SYNRG: variants seen among roughly 807,000 people sequenced by gnomAD.
The protein encoded by SYNRG is AP1 gamma subunit binding protein 1.
In SYNRG, 37 loss-of-function variants were observed where a neutral mutation model predicts 130.9. The ratio of observed to expected loss-of-function variants is 0.28; its 90% CI spans 0.22 to 0.37. SYNRG has a LOEUF of 0.37. Ranked by LOEUF, SYNRG falls within the 10% of genes least tolerant of loss-of-function variation. The probability of loss-of-function intolerance (pLI) is 1.00; values close to 1 mark genes in which losing one functional copy is unlikely to be tolerated. For synonymous variants in SYNRG, 539 were observed against 568.1 expected, an observed-to-expected ratio of 0.95 and a Z score of 0.73; for missense variants, 1,338 against 1,588.9, an observed-to-expected ratio of 0.84 and a Z score of 2.68.
At chr17:37,530,260 T>G (rs2056480974) in intron 19 of SYNRG, among the ~76,000 whole-genome samples, 1 of 152,216 alleles carries the variant, frequency 6.6e-6, no homozygotes, top group African/African-American at 2.4e-5. Flanking sequence ...ATCTCTGTGC[T>G]TCAGTTTCTT....
intron 11 of SYNRG, among the ~76,000 whole-genome samples, chr17:37,565,935 G>A (rs552462907): frequency 1.4e-5 from 2 of 146,126 alleles, no homozygotes; most frequent in Admixed American, 6.8e-5. Context: ...CCCCTGCCCG[G>A]CCAGCCGCCC....
chr17:37,596,382 T>A (rs2062777111), intron 2 of SYNRG, 38 bp from the exon 3 acceptor site: 1 of 1,608,236 alleles, frequency 6.2e-7, no homozygotes, highest in South Asian at 1.1e-5. Context: ...CAATGTGTTT[T>A]AAAGTTTATT....
chr17:37,538,264 G>A, intron 18 of SYNRG, 60 bp downstream of exon 18: 1 of 1,276,680 alleles, frequency 7.8e-7, no homozygotes, highest in Non-Finnish European at 1.1e-6. Flanking sequence ...TAATTAAAGG[G>A]AAAACTGAAA....
intron 19 of SYNRG, among the ~76,000 whole-genome samples, chr17:37,521,560 G>C (rs1156238639): frequency 6.6e-6 from 1 of 152,184 alleles, no homozygotes; most frequent in African/African-American, 2.4e-5. Flanking sequence ...AGGAAGATAA[G>C]GAGCATCCTG....
At chr17:37,562,990 T>G (rs1482375016) in intron 11 of SYNRG, among the ~76,000 whole-genome samples, 1 of 151,930 alleles carries the variant, frequency 6.6e-6, no homozygotes, top group Non-Finnish European at 1.5e-5. Context: ...TTCACAGAAT[T>G]GGAAAAAAAA....
chr17:37,561,445 A>G, intron 12 of SYNRG, 26 bp downstream of exon 12: 1 of 1,583,422 alleles, frequency 6.3e-7, no homozygotes, highest in Non-Finnish European at 8.7e-7. Flanking sequence ...AGCATTCACA[A>G]GTTTATGAAT....
chr17:37,570,730 T>A lies in SYNRG; in HGVS notation c.1254A>T (p.Gly418=), dbSNP rs764529097. 6.2e-7 allele frequency: 1 copy of A among 1,614,122 alleles called. No individual in the cohort carries two copies. The highest frequency in any genetic ancestry group is 2.2e-5 in the East Asian group (1 of 44,888). ...CAAGGTTAATGCCCATGACTGGCTG[T>A]CCAAGGCTGAGGGGCATGGAGCCCG... is the stretch of plus-strand genomic sequence containing the variant. The part of the protein sequence containing the change: ...GPAGSMPLSL[G]QPVMGINLVG... Residue 418 remains glycine, a synonymous_variant, in exon 10 of 22, where the codon GGA becomes GGT. Coordinates refer to ENST00000612223, the MANE Select transcript of SYNRG (RefSeq NM_007247.6).
chr17:37,607,425 G>A (rs2063843143), intron 1 of SYNRG, among the ~76,000 whole-genome samples: 1 of 152,132 alleles, frequency 6.6e-6, no homozygotes, highest in African/African-American at 2.4e-5. Flanking sequence ...TTGGTGCCAT[G>A]ATTAATCATA....
intron 17 of SYNRG, 73 bp downstream of exon 17, chr17:37,539,119 C>A: frequency 6.3e-7 from 1 of 1,596,370 alleles, no homozygotes; most frequent in South Asian, 1.1e-5. Context: ...TCTGTCAATT[C>A]AAATGAACCA....
At chr17:37,590,656 C>T (rs1349141843) in intron 3 of SYNRG, among the ~76,000 whole-genome samples, 1 of 152,162 alleles carries the variant, frequency 6.6e-6, no homozygotes. Context: ...CGCAGTGGCT[C>T]ATGCCTGTAA....
intron 21 of SYNRG, among the ~76,000 whole-genome samples, 165 bp from the exon 22 acceptor site, chr17:37,519,236 G>T (rs1378367012): frequency 6.6e-6 from 1 of 152,200 alleles, no homozygotes; most frequent in African/African-American, 2.4e-5. Context: ...AAGAGAGAAG[G>T]TTTTTTACTG....
rs1159837445 is a variant in SYNRG at position 37,541,806 on chromosome 17, G to A, written c.3202+166C>T. ...CTGAGGGATGCTGATTTTGACTCCCGTCTCAGGGAAATCTTTATTATAGCT... is the reference window on the plus strand; with the variant it reads ...CTGAGGGATGCTGATTTTGACTCCCATCTCAGGGAAATCTTTATTATAGCT... On this transcript the variant is annotated intron_variant, in intron 15 of 21. Transcript: ENST00000612223. The A allele has an allele frequency of 9.0e-5, 63 of 702,050 alleles. 1 individual carries two copies. The South Asian group carries it at 1.1e-3, about 12-fold the overall frequency. 43.5% of individuals were successfully genotyped at this position (702,050 alleles called of 1,614,324 possible). A position where few individuals can be genotyped will look rare whatever the true frequency, so the allele number is the denominator to read the frequency against.
At chr17:37,551,517 G>C (rs976750987) in intron 14 of SYNRG, among the ~76,000 whole-genome samples, 2 of 151,908 alleles carry the variant, frequency 1.3e-5, no homozygotes, top group Non-Finnish European at 2.9e-5. Context: ...TAACAGGTCA[G>C]TAAGAACAAG....
chr17:37,580,510 T>TGAGAGAGAGAGAGAGAGAGAGAGAGAGA (rs71135748), intron 6 of SYNRG, among the ~76,000 whole-genome samples: 3 of 127,660 alleles, frequency 2.3e-5, no homozygotes, highest in African/African-American at 1.1e-4. Context: ...TGTGTGTGTG[T>TGAGAGAGAGAGAGAGAGAGAGAGAGAGA]GAGAGAGAGA....
rs752925062 is a variant in SYNRG at position 37,520,509 on chromosome 17, GCTGT to G, written c.3777+25_3777+28del. 22 of 1,595,662 alleles carry G rather than the reference GCTGT, an allele frequency of 1.4e-5. No homozygotes were observed. The South Asian group carries it at 2.2e-4, about 16-fold the overall frequency. ...CAGAGTCATGTTAGGGAAGCCCTTT[GCTGT>G]CTGCAAGGAGGCTGCGTGACTTACC... On this transcript the variant is annotated intron_variant, in intron 20 of 21. Coordinates refer to ENST00000612223, the MANE Select transcript of SYNRG (RefSeq NM_007247.6).
chr17:37,608,327 A>G (rs1480173653), intron 1 of SYNRG, among the ~76,000 whole-genome samples: 2 of 152,240 alleles, frequency 1.3e-5, no homozygotes, highest in Non-Finnish European at 2.9e-5. Context: ...TCGTTTTCCA[A>G]AGACAATTTA....
At chr17:37,555,434 T>C (rs947730516) in intron 13 of SYNRG, among the ~76,000 whole-genome samples, 16 of 152,044 alleles carry the variant, frequency 1.1e-4, no homozygotes, top group African/African-American at 3.1e-4. Context: ...GCCCAAGGCC[T>C]GTGATTCTTA....
intron 13 of SYNRG, among the ~76,000 whole-genome samples, chr17:37,560,244 T>C (rs879185798): frequency 6.6e-6 from 1 of 151,858 alleles, no homozygotes; most frequent in African/African-American, 2.4e-5. Flanking sequence ...TAATTCTCAA[T>C]AGCTGAAGCA....
At chr17:37,608,745 G>C (rs2064050245) in intron 1 of SYNRG, among the ~76,000 whole-genome samples, 2 of 152,180 alleles carry the variant, frequency 1.3e-5, no homozygotes, top group Admixed American at 6.5e-5. Context: ...GTCTTTAGAT[G>C]TTCCTGCTGT....
Sources: gnomAD v4.1 joint callset for allele counts (sites outside exome capture counted in the v4.1 genomes callset) on GRCh38, gnomAD v4.1.1 for gene constraint, MANE v1.5 for transcripts, NCBI Gene and HGNC (gene_info 2026-07-23, HGNC 2026-07-21) for gene names.